CPLANE1: variants seen among roughly 807,000 people sequenced by gnomAD.
CPLANE1 encodes the protein ciliogenesis and planar polarity effector 1.
Under a neutral mutation model 362.5 loss-of-function variants are expected in CPLANE1, and 263 were observed. The ratio of observed to expected loss-of-function variants is 0.73; its 90% CI spans 0.66 to 0.80. CPLANE1 has a LOEUF of 0.80. CPLANE1 is among the 30% of genes least tolerant of loss of function. The pLI, the probability that CPLANE1 is intolerant of heterozygous loss-of-function variation, is 0.00. For missense variants in CPLANE1, 3,461 were observed against 3,793.4 expected (o/e 0.91, Z 2.30); for synonymous variants, 1,212 against 1,302.6 (o/e 0.93, Z 1.50).
chr5:37,139,925 T>G (rs1005769056), intron 44 of CPLANE1: 1 of 985,314 alleles, frequency 1.0e-6, no homozygotes, highest in East Asian at 1.1e-4. Flanking sequence ...CTTTGCTTAG[T>G]ACACAGTTTA....
At chr5:37,165,373 T>C (rs974128700) in intron 36 of CPLANE1, among the ~76,000 whole-genome samples, 166 bp downstream of exon 36, 6 of 152,192 alleles carry the variant, frequency 3.9e-5, no homozygotes, top group Non-Finnish European at 8.8e-5. Context: ...ACTCTATGTC[T>C]ACTGCTCTGT....
chr5:37,214,487 A>C (rs1793496485), intron 15 of CPLANE1, among the ~76,000 whole-genome samples: 1 of 152,236 alleles, frequency 6.6e-6, no homozygotes, highest in African/African-American at 2.4e-5. Context: ...TCAAAAAAAA[A>C]TTATCAAAAT....
In CPLANE1 at chr5:37,121,767, T is replaced by G; in HGVS notation, c.9035A>C (p.His3012Pro). 6.2e-7 allele frequency: 1 copy of G among 1,613,826 alleles called. No individual in the cohort carries two copies. Residue 3012 changes from histidine (H) to proline (P), a missense_variant, in exon 49 of 53, where the codon CAC (histidine) becomes CCC (proline). His to Pro is a moderately conservative substitution (Grantham distance 77). Around this residue, in one of 2 missense-constraint regions of CPLANE1, gnomAD observed 3,380 missense variants for 3,666.1 expected, o/e 0.92. Coordinates refer to ENST00000651892, the MANE Select transcript of CPLANE1 (RefSeq NM_001384732.1). ...HEKDRLLLSE[H>P]YSRRISQAYG... ...CGCTTGTGAGATTCGACGACTATAG[T>G]GTTCAGAGAGCAGCAATCTGTAGAC... is the stretch of plus-strand genomic sequence containing the variant.
intron 21 of CPLANE1, among the ~76,000 whole-genome samples, chr5:37,189,218 C>G (rs1169337831): frequency 6.6e-6 from 1 of 152,074 alleles, no homozygotes; most frequent in East Asian, 1.9e-4. Context: ...CTTTAGGGAG[C>G]TATTTAATAT....
Position 37,148,602 on chromosome 5 carries a change from G to A in CPLANE1, c.8374-334C>T, listed in dbSNP as rs574902600. Among the ~76,000 whole-genome samples the A allele has an allele frequency of 2.2e-4, 33 of 152,250 alleles. 1 individual carries two copies. In the South Asian group the frequency reaches 6.0e-3, roughly 28 times the overall value. On this transcript the variant is annotated intron_variant, in intron 42 of 52. Transcript: ENST00000651892. The stretch of plus-strand genomic sequence containing the variant: ...AATGACTTTTTTAGTGGCATAACAC[G>A]GTCAACCCAGGTCTTCAAGACTATT...
chr5:37,234,367 C>A (rs1287982093), intron 8 of CPLANE1, among the ~76,000 whole-genome samples: 2 of 138,008 alleles, frequency 1.4e-5, no homozygotes, highest in Non-Finnish European at 3.1e-5. Context: ...GAGAAATTTA[C>A]CAAGGAGAAA....
intron 46 of CPLANE1, among the ~76,000 whole-genome samples, chr5:37,136,317 C>T (rs1228700078): frequency 6.6e-6 from 1 of 152,230 alleles, no homozygotes; most frequent in Non-Finnish European, 1.5e-5. Flanking sequence ...CCTTAAAGTT[C>T]CAAAATGATC....
At chr5:37,183,799 T>G (rs914641478) in intron 25 of CPLANE1, 100 bp from the exon 26 acceptor site, 1 of 811,406 alleles carries the variant, frequency 1.2e-6, no homozygotes, top group South Asian at 2.0e-5. Flanking sequence ...GATTAAGTCA[T>G]GTATATTTTG....
intron 42 of CPLANE1, 80 bp from the exon 43 acceptor site, chr5:37,148,348 A>G: frequency 1.0e-6 from 1 of 1,004,236 alleles, no homozygotes; most frequent in South Asian, 1.9e-5. Context: ...TGTAAGTTTT[A>G]AACACTTGCA....
chr5:37,124,266 AAACTGTAATCT>A (rs1763530622), intron 47 of CPLANE1, among the ~76,000 whole-genome samples: 1 of 34 alleles, frequency 0.029, no homozygotes, highest in Non-Finnish European at 0.038. Flanking sequence ...AGTAAAAGAT[AAACTGTAATCT>A]AAACTGTAAT....
chr5:37,199,836 A>AGT (rs1788641686), intron 19 of CPLANE1, among the ~76,000 whole-genome samples: 1 of 152,248 alleles, frequency 6.6e-6, no homozygotes, highest in African/African-American at 2.4e-5. Context: ...CAGGCCAAGC[A>AGT]GTACCTTGTG....
At chr5:37,242,935 C>A in intron 6 of CPLANE1, 78 bp downstream of exon 6, 1 of 920,412 alleles carries the variant, frequency 1.1e-6, no homozygotes, top group South Asian at 1.7e-5. Flanking sequence ...ACCCCCCAGT[C>A]TGGGTGACAC....
At chr5:37,142,163 G>C (rs1434237419) in intron 44 of CPLANE1, 147 bp downstream of exon 44, 1 of 1,262,606 alleles carries the variant, frequency 7.9e-7, no homozygotes, top group African/African-American at 1.6e-5. Context: ...CATGTGACTA[G>C]CAAAAGTTTT....
chr5:37,199,019 C>G (rs182184801), intron 19 of CPLANE1, among the ~76,000 whole-genome samples, 153 bp from the exon 20 acceptor site: 79 of 147,890 alleles, frequency 5.3e-4, no homozygotes, highest in African/African-American at 1.9e-3. Context: ...ACTGCTTGAG[C>G]TCAGGAGTTG....
intron 15 of CPLANE1, among the ~76,000 whole-genome samples, chr5:37,220,250 C>CAA (rs113647197): frequency 0.12 from 15,742 of 133,882 alleles, 908 homozygotes; most frequent in Admixed American, 0.17. Context: ...GACCATATCT[C>CAA]AAAAAAAAAA....
At chr5:37,192,028 G>A (rs1382193685) in intron 21 of CPLANE1, among the ~76,000 whole-genome samples, 2 of 152,002 alleles carry the variant, frequency 1.3e-5, no homozygotes, top group South Asian at 2.1e-4. Context: ...ACTCCCCTGG[G>A]GCAAAAACTT....
intron 17 of CPLANE1, 63 bp from the exon 18 acceptor site, chr5:37,205,517 A>G: frequency 8.7e-7 from 1 of 1,152,572 alleles, no homozygotes; most frequent in South Asian, 1.6e-5. Context: ...AAGGTTTCAC[A>G]TATCAAGGAC....
chr5:37,225,074 T>G (rs1796158029), intron 12 of CPLANE1, among the ~76,000 whole-genome samples: 1 of 151,054 alleles, frequency 6.6e-6, no homozygotes, highest in African/African-American at 2.4e-5. Context: ...TATGTGCCAC[T>G]GCACTCCAGC....
rs1178715182 is a variant in CPLANE1, at chr5:37,247,539, T to C, written c.81+79A>G. 2.4e-6 allele frequency: 3 copies of C among 1,245,626 alleles called. No homozygotes were observed. In the African/African-American group the frequency reaches 4.6e-5, roughly 19 times the overall value. 77.2% of individuals were successfully genotyped at this position (1,245,626 alleles called of 1,614,324 possible). A position where few individuals can be genotyped will look rare whatever the true frequency, so the allele number is the denominator to read the frequency against. ...ATGATGTTTTATTTATTTAAGATCA[T>C]AGAACACTCCTATATTACAGGCAAA... On this transcript the variant is annotated intron_variant, in intron 2 of 52. Coordinates refer to ENST00000651892, the MANE Select transcript of CPLANE1 (RefSeq NM_001384732.1).
Sources: allele counts gnomAD v4.1 joint callset (sites outside exome capture counted in the v4.1 genomes callset), GRCh38; gene constraint gnomAD v4.1.1; regional missense constraint gnomAD v4.1.1; transcripts MANE v1.5; gene names NCBI Gene and HGNC (gene_info 2026-07-23, HGNC 2026-07-21).